HEMK2: variants seen among roughly 807,000 people sequenced by gnomAD.
HEMK2 encodes the protein HemK methyltransferase 2, ETF1 glutamine and histone H4 lysine.
At chr21:28,686,487 C>G in the HEMK2 span, among the ~76,000 whole-genome samples, 2 of 152,150 alleles carry the variant, frequency 1.3e-5, no homozygotes, top group Non-Finnish European at 2.9e-5. Flanking sequence ...CCCACCTCAG[C>G]CTCCCAAAGT....
chr21:28,722,057 T>A, the HEMK2 span, among the ~76,000 whole-genome samples: 1 of 152,028 alleles, frequency 6.6e-6, no homozygotes, highest in African/African-American at 2.4e-5. Context: ...CAGACATTTT[T>A]ATAAAGGAAT....
chr21:28,689,582 C>CATATATTATTTGTGAAATAAAATACAA, the HEMK2 span, among the ~76,000 whole-genome samples: 1 of 152,148 alleles, frequency 6.6e-6, no homozygotes, highest in South Asian at 2.1e-4. Flanking sequence ...ATAAGGCGAT[C>CATATATTATTTGTGAAATAAAATACAA]ACACCTTTGG....
At chr21:28,737,877 A>C in the HEMK2 span, among the ~76,000 whole-genome samples, 2 of 152,202 alleles carry the variant, frequency 1.3e-5, no homozygotes, top group Non-Finnish European at 1.5e-5. Flanking sequence ...TAATATACAC[A>C]AAGAATGCAA....
chr21:28,880,648 C>G, the HEMK2 span, among the ~76,000 whole-genome samples: 71,788 of 151,514 alleles, frequency 0.47, 19,833 homozygotes, highest in Non-Finnish European at 0.62. Context: ...GAGGCTGAGG[C>G]AGGATAATTG....
chr21:28,686,157 T>C, the HEMK2 span, among the ~76,000 whole-genome samples: 2 of 152,230 alleles, frequency 1.3e-5, no homozygotes, highest in South Asian at 2.1e-4. Context: ...GAATCTGTTA[T>C]AGTGAAAATT....
the HEMK2 span, among the ~76,000 whole-genome samples, chr21:28,645,581 C>A: frequency 1.3e-5 from 2 of 152,022 alleles, no homozygotes; most frequent in Non-Finnish European, 2.9e-5. Context: ...AGTACAGATT[C>A]CTGAGCCCCA....
chr21:28,741,984 G>A, the HEMK2 span, among the ~76,000 whole-genome samples: 1 of 152,110 alleles, frequency 6.6e-6, no homozygotes, highest in African/African-American at 2.4e-5. Context: ...ATCACCACAA[G>A]AGAGAGCCTT....
chr21:28,601,604 A>ATCTCTCTCTCTCTCTCTCTC, the HEMK2 span, among the ~76,000 whole-genome samples: 4 of 126,782 alleles, frequency 3.2e-5, no homozygotes, highest in African/African-American at 1.2e-4. Context: ...ACCTTCTGAC[A>ATCTCTCTCTCTCTCTCTCTC]TCTCTCTCTC....
the HEMK2 span, among the ~76,000 whole-genome samples, chr21:28,778,359 T>C: frequency 1.3e-5 from 2 of 152,208 alleles, no homozygotes; most frequent in African/African-American, 2.4e-5. Context: ...TAACTATTCG[T>C]TTGCTGAAGG....
chr21:28,820,498 C>T, the HEMK2 span, among the ~76,000 whole-genome samples: 1 of 152,288 alleles, frequency 6.6e-6, no homozygotes, highest in East Asian at 1.9e-4. Context: ...GTTCTTCAAG[C>T]CCACTGATTT....
chr21:28,820,865 A>G, the HEMK2 span, among the ~76,000 whole-genome samples: 1 of 152,164 alleles, frequency 6.6e-6, no homozygotes, highest in South Asian at 2.1e-4. Flanking sequence ...TGAAGCAATC[A>G]TATGTTTTTG....
the HEMK2 span, among the ~76,000 whole-genome samples, chr21:28,838,990 T>TATATATATATATATATATATAC: frequency 1.3e-5 from 1 of 79,390 alleles, no homozygotes; most frequent in Non-Finnish European, 2.2e-5. Flanking sequence ...TATATATATA[T>TATATATATATATATATATATAC]ATATATATAT....
At chr21:28,821,770 G>A in the HEMK2 span, among the ~76,000 whole-genome samples, 3 of 152,108 alleles carry the variant, frequency 2.0e-5, no homozygotes, top group African/African-American at 7.2e-5. Context: ...GAATATACTG[G>A]TGGCTCAATC....
the HEMK2 span, among the ~76,000 whole-genome samples, chr21:28,747,762 G>A: frequency 1.3e-5 from 2 of 152,234 alleles, no homozygotes; most frequent in Non-Finnish European, 2.9e-5. Flanking sequence ...CACCAACATG[G>A]ATAGGACATC....
chr21:28,856,438 T>C, the HEMK2 span, among the ~76,000 whole-genome samples: 1 of 151,532 alleles, frequency 6.6e-6, no homozygotes, highest in Admixed American at 6.6e-5. Flanking sequence ...AGAATAATAA[T>C]AATTAAGGTT....
chr21:28,811,021 G>C, the HEMK2 span, among the ~76,000 whole-genome samples: 1 of 152,124 alleles, frequency 6.6e-6, no homozygotes, highest in Non-Finnish European at 1.5e-5. Context: ...AGGCTAAGTT[G>C]TGCAATACAC....
the HEMK2 span, chr21:28,874,807 C>T: frequency 6.6e-6 from 1 of 152,268 alleles, no homozygotes; most frequent in African/African-American, 2.4e-5. Flanking sequence ...AACTCCCTGA[C>T]CATCCAGCCA....
At chr21:28,862,405 C>T in the HEMK2 span, among the ~76,000 whole-genome samples, 6 of 121,162 alleles carry the variant, frequency 5.0e-5, no homozygotes, top group Non-Finnish European at 1.0e-4. Context: ...TTTGGGAGGC[C>T]GAGGCGGGTG....
chr21:28,834,350 G>A, the HEMK2 span, among the ~76,000 whole-genome samples: 1 of 152,210 alleles, frequency 6.6e-6, no homozygotes, highest in African/African-American at 2.4e-5. Flanking sequence ...CTTGGAAGCA[G>A]AAAATGGAGA....
Sources: allele counts gnomAD v4.1 joint callset (sites outside exome capture counted in the v4.1 genomes callset), GRCh38; gene constraint gnomAD v4.1.1; transcripts MANE v1.5; gene names NCBI Gene and HGNC (gene_info 2026-07-23, HGNC 2026-07-21).